The following CDK6 variants were observed in gnomAD, a reference collection of about 807,000 sequenced individuals.
CDK6 encodes cyclin-dependent kinase 6.
CDK6 carries 6 observed loss-of-function variants against 37.1 expected under a neutral mutation model. The ratio of observed to expected loss-of-function variants is 0.16; its 90% CI spans 0.09 to 0.32. The LOEUF is 0.32. Among genes scored for constraint, CDK6 ranks in the 10% least tolerant of loss-of-function variants. The pLI, the probability that CDK6 is intolerant of heterozygous loss-of-function variation, is 1.00. For missense variants in CDK6, 224 were observed against 418.9 expected (o/e 0.53, Z 4.06); for synonymous variants, 160 against 161.3 (o/e 0.99, Z 0.06).
chr7:92,701,173 G>C (rs1387577812), intron 4 of CDK6, among the ~76,000 whole-genome samples: 1 of 152,192 alleles, frequency 6.6e-6, no homozygotes, highest in Non-Finnish European at 1.5e-5. Flanking sequence ...ATCCGGAGAG[G>C]ATCAAAGTGG....
rs3731295 is a variant in CDK6, at chr7:92,792,885, G to A, written c.234-18054C>T. 1.7e-3 allele frequency among the ~76,000 whole-genome samples: 257 copies of A among 151,806 alleles called. 6 individuals are homozygous for A. The East Asian group carries it at 0.04, about 24-fold the overall frequency. On this transcript the variant is annotated intron_variant, in intron 2 of 7. Coordinates refer to ENST00000424848, the MANE Select transcript of CDK6 (RefSeq NM_001145306.2). Reference sequence around the variant, plus strand: ...GAAGTTATCAGCCTCCAGATGAGACGGAATCTTGGAGGCAAAACATAAAAC... The same window carrying A: ...GAAGTTATCAGCCTCCAGATGAGACAGAATCTTGGAGGCAAAACATAAAAC...
chr7:92,736,799 G>A (rs1168483399), intron 3 of CDK6, among the ~76,000 whole-genome samples: 2 of 152,318 alleles, frequency 1.3e-5, no homozygotes, highest in Admixed American at 6.5e-5. Context: ...ATGGATGGGA[G>A]GTGGTGTAAG....
At chr7:92,706,694 T>A (rs1797975527) in intron 4 of CDK6, among the ~76,000 whole-genome samples, 1 of 152,110 alleles carries the variant, frequency 6.6e-6, no homozygotes, top group South Asian at 2.1e-4. Flanking sequence ...GAAACACCAC[T>A]GGATTTCTGG....
chr7:92,796,508 T>C (rs560737297), intron 2 of CDK6, among the ~76,000 whole-genome samples: 1 of 152,280 alleles, frequency 6.6e-6, no homozygotes, highest in South Asian at 2.1e-4. Context: ...ACATTGTTTC[T>C]TCAGTCTTGG....
chr7:92,818,220 A>T (rs1179455734), intron 2 of CDK6, among the ~76,000 whole-genome samples: 1 of 152,060 alleles, frequency 6.6e-6, no homozygotes, highest in East Asian at 1.9e-4. Flanking sequence ...TATAGTAATC[A>T]AAGTATGACA....
chr7:92,784,211 T>C (rs1800066724), intron 2 of CDK6, among the ~76,000 whole-genome samples: 1 of 152,188 alleles, frequency 6.6e-6, no homozygotes, highest in South Asian at 2.1e-4. Flanking sequence ...TCACTAACCA[T>C]GTGGATCATT....
intron 2 of CDK6, among the ~76,000 whole-genome samples, chr7:92,787,402 G>T (rs980514795): frequency 6.6e-6 from 1 of 151,864 alleles, no homozygotes; most frequent in Admixed American, 6.6e-5. Flanking sequence ...TCTTCAATCT[G>T]TTCCTCTGAA....
rs546269143 is a variant in CDK6, at chr7:92,638,852, T to C, written c.648-15766A>G. On this transcript the variant is annotated intron_variant, in intron 5 of 7. Transcript: ENST00000424848. ...TTTTGCTTTTCCAGGAGAACCACCA[T>C]ATCTCATCAGATCTAAGATGTCACC... 7.9e-5 allele frequency among the ~76,000 whole-genome samples: 12 copies of C among 152,324 alleles called. No individual in the cohort carries two copies. The South Asian group carries it at 2.5e-3, about 32-fold the overall frequency.
At chr7:92,680,459 A>AG in intron 4 of CDK6, among the ~76,000 whole-genome samples, 1 of 151,198 alleles carries the variant, frequency 6.6e-6, no homozygotes, top group Non-Finnish European at 1.5e-5. Context: ...AAAAAAAAAA[A>AG]AAAGCATTAA....
chr7:92,696,212 G>A (rs983883470), intron 4 of CDK6, among the ~76,000 whole-genome samples: 5 of 152,210 alleles, frequency 3.3e-5, no homozygotes, highest in Non-Finnish European at 7.3e-5. Flanking sequence ...GAGAGGCGAG[G>A]CTACAAGAGT....
intron 5 of CDK6, among the ~76,000 whole-genome samples, chr7:92,659,126 G>T (rs1259402042): frequency 6.6e-6 from 1 of 152,204 alleles, no homozygotes; most frequent in Admixed American, 6.5e-5. Flanking sequence ...GAAGGGCACT[G>T]ACTTATTTTC....
At chr7:92,729,115 G>GA (rs949595941) in intron 3 of CDK6, among the ~76,000 whole-genome samples, 1 of 151,992 alleles carries the variant, frequency 6.6e-6, no homozygotes, top group African/African-American at 2.4e-5. Flanking sequence ...AATGAGGTAA[G>GA]AAAAAAACAC....
At chr7:92,753,844 T>C (rs1799248568) in intron 3 of CDK6, among the ~76,000 whole-genome samples, 1 of 152,194 alleles carries the variant, frequency 6.6e-6, no homozygotes, top group African/African-American at 2.4e-5. Context: ...TTGCTGCTAG[T>C]ATTGGTCATA....
chr7:92,643,067 T>A (rs926433926), intron 5 of CDK6, among the ~76,000 whole-genome samples: 5 of 152,082 alleles, frequency 3.3e-5, no homozygotes, highest in Non-Finnish European at 7.4e-5. Flanking sequence ...ACTAATTTTT[T>A]GTAGAGACAG....
intron 3 of CDK6, among the ~76,000 whole-genome samples, 163 bp downstream of exon 3, chr7:92,774,533 A>G (rs1287219873): frequency 2.0e-5 from 3 of 152,238 alleles, no homozygotes; most frequent in Non-Finnish European, 4.4e-5. Flanking sequence ...TAGTTGATGA[A>G]CTGGAATATA....
At chr7:92,790,776 T>G (rs1584092942) in intron 2 of CDK6, among the ~76,000 whole-genome samples, 1 of 152,126 alleles carries the variant, frequency 6.6e-6, no homozygotes, top group African/African-American at 2.4e-5. Flanking sequence ...CCCATCCATA[T>G]GTGGAGGAAA....
chr7:92,685,800 T>C (rs1159809637), intron 4 of CDK6, among the ~76,000 whole-genome samples: 1 of 152,194 alleles, frequency 6.6e-6, no homozygotes, highest in Non-Finnish European at 1.5e-5. Context: ...TCCCTCTGTT[T>C]TAATCTTTAC....
At chr7:92,717,814 C>A (rs1407261009) in intron 4 of CDK6, among the ~76,000 whole-genome samples, 2 of 152,324 alleles carry the variant, frequency 1.3e-5, no homozygotes, top group South Asian at 4.1e-4. Context: ...AATTAGATAG[C>A]CACATGCATG....
intron 5 of CDK6, among the ~76,000 whole-genome samples, chr7:92,665,094 A>G (rs1047785809): frequency 1.1e-4 from 16 of 151,888 alleles, no homozygotes; most frequent in Non-Finnish European, 1.9e-4. Context: ...CGCATGTTTT[A>G]TTTTCTAAAT....
Sources: gnomAD v4.1 joint callset for allele counts (sites outside exome capture counted in the v4.1 genomes callset) on GRCh38, gnomAD v4.1.1 for gene constraint, MANE v1.5 for transcripts, NCBI Gene and HGNC (gene_info 2026-07-23, HGNC 2026-07-21) for gene names.